MARCHF11: variants seen among roughly 807,000 people sequenced by gnomAD.
MARCHF11 encodes E3 ubiquitin-protein ligase MARCHF11.
Under a neutral mutation model 37.3 loss-of-function variants are expected in MARCHF11, and 29 were observed. That is an observed-to-expected ratio of 0.78 (90% CI 0.58 to 1.06). The LOEUF (loss-of-function observed/expected upper bound fraction) is 1.06, where lower values mean the gene tolerates loss of function less well. MARCHF11 is among the 50% of genes least tolerant of loss of function. The pLI, the probability that MARCHF11 is intolerant of heterozygous loss-of-function variation, is 0.00. For missense variants in MARCHF11, 482 were observed against 533.4 expected, an observed-to-expected ratio of 0.90 and a Z score of 0.95; for synonymous variants, 233 against 228.0, an observed-to-expected ratio of 1.02 and a Z score of -0.20.
chr5:16,176,481 C>T (rs1378444729), intron 2 of MARCHF11, among the ~76,000 whole-genome samples: 1 of 152,100 alleles, frequency 6.6e-6, no homozygotes, highest in African/African-American at 2.4e-5. Context: ...CAGGTTTGTG[C>T]CTGTCTTCAG....
rs185837380 is a variant in MARCHF11, at chr5:16,105,507, A to C, written c.694-14426T>G. Among the ~76,000 whole-genome samples, 24 of 152,302 alleles carry C rather than the reference A, an allele frequency of 1.6e-4. 1 individual carries two copies. In the East Asian group the frequency reaches 4.6e-3, roughly 29 times the overall value. On this transcript the variant is annotated intron_variant, in intron 2 of 3. Transcript: ENST00000332432. ...CTTCCCCTTGCTTAAACTTTAGGGC[A>C]ATCATTCATATTTTGATTGAGAACT...
At chr5:16,163,915 A>G (rs940788540) in intron 2 of MARCHF11, among the ~76,000 whole-genome samples, 1 of 152,020 alleles carries the variant, frequency 6.6e-6, no homozygotes, top group African/African-American at 2.4e-5. Flanking sequence ...ATAACATGGC[A>G]TTTATCCCCC....
At position 16,123,430 on chromosome 5, in the gene MARCHF11, T is replaced by C. The variant is rs146357060; in HGVS notation, c.694-32349A>G. Among the ~76,000 whole-genome samples the C allele has an allele frequency of 1.3e-3, 196 of 152,262 alleles. 1 individual carries two copies. The highest frequency in any genetic ancestry group is 4.4e-3 in the Admixed American group (67 of 15,284). ...AGCCCTCAGAAGGAAACAATTTTGC[T>C]GACACCTTGACCTCTGATTTCTAGC... On this transcript the variant is annotated intron_variant, in intron 2 of 3. Coordinates refer to ENST00000332432, the MANE Select transcript of MARCHF11 (RefSeq NM_001102562.3).
At chr5:16,177,092 A>T (rs1354964525) in intron 2 of MARCHF11, among the ~76,000 whole-genome samples, 1 of 152,208 alleles carries the variant, frequency 6.6e-6, no homozygotes, top group African/African-American at 2.4e-5. Flanking sequence ...ATACACAAAA[A>T]GTTTAAGAAT....
rs5866175 is a variant in MARCHF11, at chr5:16,176,096, A to ATT, written c.693+1628_693+1629dup. 3.2e-3 allele frequency among the ~76,000 whole-genome samples: 466 copies of ATT among 147,000 alleles called. 2 individuals carry two copies. The highest frequency in any genetic ancestry group is 8.9e-3 in the African/African-American group (357 of 40,316). On this transcript the variant is annotated intron_variant, in intron 2 of 3. Transcript: ENST00000332432. ...TATAGGATTAAAATTAGTAAATAGT[A>ATT]TTTTTTTTTTTTGCCCCAGCTCTTG...
chr5:16,137,223 C>T (rs2126588751), intron 2 of MARCHF11, among the ~76,000 whole-genome samples: 1 of 152,284 alleles, frequency 6.6e-6, no homozygotes, highest in Non-Finnish European at 1.5e-5. Context: ...TGAACTGTAG[C>T]TCCCATCATC....
At chr5:16,083,313 C>A (rs1221887770) in intron 3 of MARCHF11, among the ~76,000 whole-genome samples, 1 of 152,178 alleles carries the variant, frequency 6.6e-6, no homozygotes, top group South Asian at 2.1e-4. Flanking sequence ...CAGACATCCC[C>A]AAACCACATA....
Position 16,177,829 on chromosome 5 carries a change from T to C in MARCHF11, c.590A>G (p.Gln197Arg). Residue 197 changes from glutamine (Q) to arginine (R), a missense_variant, in exon 2 of 4, where the codon CAG becomes CGG. Physicochemically the swap from Gln to Arg is conservative, Grantham distance 43. Coordinates refer to ENST00000332432, the MANE Select transcript of MARCHF11 (RefSeq NM_001102562.3). Reference sequence around the variant, plus strand: ...ACTGATCCATTTTAGCAGGCACAGCTGATGTGTATACCGAACTGACCCATC... The same window carrying C: ...ACTGATCCATTTTAGCAGGCACAGCCGATGTGTATACCGAACTGACCCATC... ...RCDGSVRYTH[Q>R]LCLLKWISER... is the part of the protein sequence containing the mutation. 6.2e-7 allele frequency: 1 copy of C among 1,613,582 alleles called. No individual in the cohort carries two copies. Among genetic ancestry groups the C allele is most frequent in the Non-Finnish European group, 8.5e-7 (1 of 1,179,688 alleles).
chr5:16,112,116 C>T (rs1422036444), intron 2 of MARCHF11, among the ~76,000 whole-genome samples: 1 of 152,164 alleles, frequency 6.6e-6, no homozygotes, highest in Non-Finnish European at 1.5e-5. Flanking sequence ...TAGGGCTGTG[C>T]AGAAGGGAAA....
intron 2 of MARCHF11, among the ~76,000 whole-genome samples, chr5:16,145,998 T>C (rs1184347177): frequency 1.3e-5 from 2 of 152,082 alleles, no homozygotes; most frequent in Non-Finnish European, 2.9e-5. Flanking sequence ...CCCCCAACAC[T>C]CACAAATTCC....
rs532536910 is a variant in MARCHF11, at chr5:16,085,814, C to T, written c.886+5075G>A. Among the ~76,000 whole-genome samples the T allele has an allele frequency of 2.2e-4, 33 of 151,676 alleles. No homozygotes were observed. The South Asian group carries it at 6.5e-3, about 30-fold the overall frequency. ...AAAAATACAAAAAATTAGGTGGGCG[C>T]CTGTAGTCCCAGCTACTCAGGAGGC... On this transcript the variant is annotated intron_variant, in intron 3 of 3. Coordinates refer to ENST00000332432, the MANE Select transcript of MARCHF11 (RefSeq NM_001102562.3).
At chr5:16,168,898 T>A (rs1052137753) in intron 2 of MARCHF11, among the ~76,000 whole-genome samples, 1 of 152,102 alleles carries the variant, frequency 6.6e-6, no homozygotes, top group African/African-American at 2.4e-5. Context: ...TTATGTTTTT[T>A]AAAAAATCTA....
chr5:16,160,870 C>T (rs1175141455), intron 2 of MARCHF11, among the ~76,000 whole-genome samples: 1 of 151,778 alleles, frequency 6.6e-6, no homozygotes, highest in Non-Finnish European at 1.5e-5. Context: ...GCTCTGTGCA[C>T]TCTGGGTCAA....
In MARCHF11 at chr5:16,155,981, T is replaced by G. The variant is rs1276890380; in HGVS notation, c.693+21745A>C. Among the ~76,000 whole-genome samples, 6 of 152,058 alleles carry G rather than the reference T, an allele frequency of 3.9e-5. No individual in the cohort carries two copies. The East Asian group carries it at 7.8e-4, about 20-fold the overall frequency. ...CCAGACGGCTCTCAAACATACCTAATAAATGTTTCAGTCCTGGAAATAACA... is the reference window on the plus strand; with the variant it reads ...CCAGACGGCTCTCAAACATACCTAAGAAATGTTTCAGTCCTGGAAATAACA... On this transcript the variant is annotated intron_variant, in intron 2 of 3. Coordinates refer to ENST00000332432, the MANE Select transcript of MARCHF11 (RefSeq NM_001102562.3).
chr5:16,173,715 C>A (rs918601200), intron 2 of MARCHF11, among the ~76,000 whole-genome samples: 2 of 152,142 alleles, frequency 1.3e-5, no homozygotes, highest in African/African-American at 4.8e-5. Flanking sequence ...ACAAGAAGGA[C>A]CTGTGGCAGT....
At chr5:16,089,593 A>G (rs1316868849) in intron 3 of MARCHF11, among the ~76,000 whole-genome samples, 2 of 136,950 alleles carry the variant, frequency 1.5e-5, no homozygotes, top group East Asian at 5.7e-4. Flanking sequence ...AAAGGAGGAA[A>G]GAAAAAAGTA....
chr5:16,179,789 T>A lies in MARCHF11; in HGVS notation c.-214A>T. On this transcript the variant is annotated 5_prime_UTR_variant, in exon 1 of 4. Transcript: ENST00000332432. ...CGTTCGGTGGAGCCGCCGGCTCGGC[T>A]CTGATGGAGGCGGCGCCGAATTCGG... The A allele has an allele frequency of 5.2e-6, 1 of 191,986 alleles. No individual in the cohort carries two copies. The highest frequency in any genetic ancestry group is 1.2e-4 in the East Asian group (1 of 8,052). The allele number at this position is 191,986 out of a possible 1,614,324, so 11.9% of individuals were successfully genotyped here. A position where few individuals can be genotyped will look rare whatever the true frequency, so the allele number is the denominator to read the frequency against.
At chr5:16,114,605 G>A (rs903849763) in intron 2 of MARCHF11, among the ~76,000 whole-genome samples, 4 of 152,020 alleles carry the variant, frequency 2.6e-5, no homozygotes, top group Non-Finnish European at 5.9e-5. Flanking sequence ...CAACCAGTAG[G>A]ATCAGAGGAT....
At chr5:16,159,635 G>T (rs1484226858) in intron 2 of MARCHF11, among the ~76,000 whole-genome samples, 1 of 151,892 alleles carries the variant, frequency 6.6e-6, no homozygotes, top group Non-Finnish European at 1.5e-5. Flanking sequence ...TTTAGAAAAA[G>T]AAAATTATTT....
Sources: allele counts gnomAD v4.1 joint callset (sites outside exome capture counted in the v4.1 genomes callset), GRCh38; gene constraint gnomAD v4.1.1; transcripts MANE v1.5; gene names NCBI Gene and HGNC (gene_info 2026-07-23, HGNC 2026-07-21).